The following CNBD2 variants were observed in gnomAD, a reference collection of about 807,000 sequenced individuals.
CNBD2 encodes cyclic nucleotide-binding domain-containing protein 2.
CNBD2 carries 64 observed loss-of-function variants against 63.7 expected under a neutral mutation model. That is an observed-to-expected ratio of 1.00 (90% CI 0.82 to 1.24). The LOEUF is 1.24. CNBD2 is among the 50% of genes most tolerant of loss of function. CNBD2 has a pLI of 0.00. For missense variants in CNBD2, 691 were observed against 713.5 expected (o/e 0.97, Z 0.36); for synonymous variants, 229 against 255.4 (o/e 0.90, Z 0.99).
intron 8 of CNBD2, among the ~76,000 whole-genome samples, chr20:36,001,942 G>A (rs1268863395): frequency 7.9e-5 from 11 of 138,676 alleles, no homozygotes; most frequent in African/African-American, 1.4e-4. Flanking sequence ...GGCTCCTCAC[G>A]TCCCAGACGA....
chr20:35,980,700 G>A, intron 4 of CNBD2, 78 bp downstream of exon 4: 1 of 1,388,684 alleles, frequency 7.2e-7, no homozygotes, highest in Non-Finnish European at 1.0e-6. Flanking sequence ...AGGTGTGGCA[G>A]GTCCTGCCCA....
intron 9 of CNBD2, among the ~76,000 whole-genome samples, chr20:36,008,741 G>C (rs1023208676): frequency 1.3e-5 from 2 of 152,178 alleles, no homozygotes; most frequent in African/African-American, 4.8e-5. Flanking sequence ...GGAAGAAGGG[G>C]CTGGACATAT....
intron 8 of CNBD2, among the ~76,000 whole-genome samples, chr20:36,000,898 T>TC (rs991501958): frequency 3.3e-5 from 5 of 151,628 alleles, no homozygotes; most frequent in Admixed American, 1.3e-4. Context: ...CCTGCGGCCT[T>TC]CCGCAGTGTT....
chr20:35,975,339 T>C lies in CNBD2; in HGVS notation c.190-610T>C, dbSNP rs73618561. ...TTTTTGAGATGGAGTCTTGCTCTGT[T>C]GCCCAGGCTGGAGTGCAGTGGCGCG... On this transcript the variant is annotated intron_variant, in intron 2 of 11. Coordinates refer to ENST00000373973, the MANE Select transcript of CNBD2 (RefSeq NM_001365709.1). 7.9e-3 allele frequency among the ~76,000 whole-genome samples: 908 copies of C among 115,340 alleles called. 33 individuals are homozygous for C. The highest frequency in any genetic ancestry group is 0.037 in the East Asian group (163 of 4,368). The allele number at this position is 115,340 out of a possible 152,430, so 75.7% of individuals were successfully genotyped here.
At chr20:36,016,433 G>C (rs1350091329) in intron 10 of CNBD2, among the ~76,000 whole-genome samples, 1 of 152,180 alleles carries the variant, frequency 6.6e-6, no homozygotes, top group Admixed American at 6.5e-5. Context: ...TGGATGTGGG[G>C]TATATGGGGA....
intron 8 of CNBD2, among the ~76,000 whole-genome samples, chr20:36,002,711 G>A (rs1306237759): frequency 6.6e-6 from 1 of 152,148 alleles, no homozygotes; most frequent in Non-Finnish European, 1.5e-5. Context: ...ATTTGATTAT[G>A]TTGTGCCTTG....
intron 10 of CNBD2, among the ~76,000 whole-genome samples, chr20:36,018,736 T>C (rs924887026): frequency 6.6e-6 from 1 of 152,180 alleles, no homozygotes; most frequent in Non-Finnish European, 1.5e-5. Flanking sequence ...ACAGGCAGGC[T>C]GAGGCCTCTG....
intron 2 of CNBD2, among the ~76,000 whole-genome samples, chr20:35,961,493 T>A (rs1294111593): frequency 6.6e-6 from 1 of 152,236 alleles, no homozygotes; most frequent in Non-Finnish European, 1.5e-5. Context: ...ACTTCTTTGT[T>A]GTTCATGATT....
At chr20:36,019,848 G>C (rs555706487) in intron 10 of CNBD2, among the ~76,000 whole-genome samples, 17 of 152,318 alleles carry the variant, frequency 1.1e-4, no homozygotes, top group African/African-American at 3.1e-4. Flanking sequence ...CAGCAAGTGG[G>C]TTGGAGGTGG....
Position 35,971,109 on chromosome 20 carries a change from G to A in CNBD2, c.52-1520G>A, listed in dbSNP as rs552671934. On this transcript the variant is annotated intron_variant, in intron 1 of 11. Transcript: ENST00000373973. The stretch of plus-strand genomic sequence containing the variant: ...ACTACAGGCGCCCGCCACTACGCCC[G>A]GCTAATTTTTTGTATTTTTAGTAGA... 4.0e-5 allele frequency among the ~76,000 whole-genome samples: 6 copies of A among 151,336 alleles called. No homozygotes were observed. In the South Asian group the frequency reaches 6.3e-4, roughly 16 times the overall value.
At chr20:36,011,362 A>T (rs1045905614) in intron 10 of CNBD2, 105 bp downstream of exon 10, 1 of 1,294,330 alleles carries the variant, frequency 7.7e-7, no homozygotes, top group Admixed American at 3.0e-5. Context: ...TCCATATTTG[A>T]TATTAAGGAA....
chr20:35,974,287 A>AAGACTC (rs2056467292), intron 2 of CNBD2: 1 of 153,720 alleles, frequency 6.5e-6, no homozygotes, highest in Non-Finnish European at 1.5e-5. Flanking sequence ...CTGTAACCAA[A>AAGACTC]AGACTCAGGT....
Position 35,995,030 on chromosome 20 carries a change from G to A in CNBD2, c.856-8G>A, listed in dbSNP as rs780922696. On this transcript the variant is annotated splice_polypyrimidine_tract_variant and splice_region_variant and intron_variant, in intron 7 of 11. Coordinates refer to ENST00000373973, the MANE Select transcript of CNBD2 (RefSeq NM_001365709.1). ...TAACCCTTTTCCTATGTCCCTTGCT[G>A]TGTTCAGGGCAGCTGTGAAGTCCTG... 1.2e-5 allele frequency: 20 copies of A among 1,607,968 alleles called. No individual in the cohort carries two copies. The highest frequency in any genetic ancestry group is 5.0e-5 in the Admixed American group (3 of 59,988).
intron 1 of CNBD2, among the ~76,000 whole-genome samples, chr20:35,972,237 C>T (rs980185220): frequency 6.6e-6 from 1 of 152,136 alleles, no homozygotes; most frequent in Non-Finnish European, 1.5e-5. Context: ...CCATTATTCC[C>T]TCAGATCTAT....
At chr20:36,022,048 AC>A (rs1171327723) in intron 10 of CNBD2, among the ~76,000 whole-genome samples, 1 of 150,966 alleles carries the variant, frequency 6.6e-6, no homozygotes, top group East Asian at 1.9e-4. Flanking sequence ...TCACTCTGTC[AC>A]CCAGGCTGGA....
intron 7 of CNBD2, among the ~76,000 whole-genome samples, chr20:35,992,848 AGT>A (rs2056766246): frequency 7.3e-6 from 1 of 136,720 alleles, no homozygotes; most frequent in Non-Finnish European, 1.5e-5. Flanking sequence ...GCGTTTTTTG[AGT>A]GTTCATCTCT....
intron 2 of CNBD2, chr20:35,974,994 T>A (rs948536728): frequency 2.0e-5 from 3 of 149,134 alleles, no homozygotes; most frequent in African/African-American, 7.4e-5. Context: ...TTTTATTTTT[T>A]TTATTTTTTT....
chr20:35,993,573 C>T (rs530447015), intron 7 of CNBD2, among the ~76,000 whole-genome samples: 4 of 152,090 alleles, frequency 2.6e-5, no homozygotes, highest in Admixed American at 1.3e-4. Flanking sequence ...TAAAAAGTTA[C>T]AAGAGTCTGT....
At chr20:36,013,843 T>C (rs2147340675) in intron 10 of CNBD2, among the ~76,000 whole-genome samples, 1 of 152,232 alleles carries the variant, frequency 6.6e-6, no homozygotes, top group East Asian at 1.9e-4. Flanking sequence ...CAGTAGTCAC[T>C]GAAATTTAAC....
Sources: allele counts gnomAD v4.1 joint callset (sites outside exome capture counted in the v4.1 genomes callset), GRCh38; gene constraint gnomAD v4.1.1; transcripts MANE v1.5; gene names NCBI Gene and HGNC (gene_info 2026-07-23, HGNC 2026-07-21).